Variants in PSAT1 observed in about 807,000 individuals in gnomAD.
PSAT1 encodes phosphoserine aminotransferase.
In PSAT1, 41 loss-of-function variants were observed where a neutral mutation model predicts 40.3. That is an observed-to-expected ratio of 1.02 (90% CI 0.79 to 1.32). The LOEUF (loss-of-function observed/expected upper bound fraction) is 1.32. PSAT1 is among the 40% of genes most tolerant of loss of function. The pLI, the probability that PSAT1 is intolerant of heterozygous loss-of-function variation, is 0.00. For synonymous variants in PSAT1, 147 were observed against 170.5 expected, an observed-to-expected ratio of 0.86 and a Z score of 1.07; for missense variants, 406 against 455.8, an observed-to-expected ratio of 0.89 and a Z score of 0.99.
intron 7 of PSAT1, among the ~76,000 whole-genome samples, chr9:78,326,955 AT>A (rs1554688170): frequency 0.011 from 859 of 75,922 alleles, 25 homozygotes; most frequent in African/African-American, 0.063. Flanking sequence ...ATATATATAT[AT>A]TTTTTTTTTT....
In PSAT1 at chr9:78,299,371, C is replaced by T. The variant is rs575138843; in HGVS notation, c.61-1231C>T. ...CAGGAGCAAGTTCAAAGATTATTCACAGATGAATGTTTCTCTTTACTAAAA... is the reference window on the plus strand; with the variant it reads ...CAGGAGCAAGTTCAAAGATTATTCATAGATGAATGTTTCTCTTTACTAAAA... On this transcript the variant is annotated intron_variant, in intron 1 of 8. Transcript: ENST00000376588. Among the ~76,000 whole-genome samples the T allele has an allele frequency of 5.3e-5, 8 of 152,118 alleles. No homozygotes were observed. The South Asian group carries it at 1.7e-3, about 32-fold the overall frequency.
chr9:78,314,505 G>T (rs950029613), intron 6 of PSAT1, among the ~76,000 whole-genome samples: 3 of 147,064 alleles, frequency 2.0e-5, no homozygotes, highest in Admixed American at 6.7e-5. Context: ...TCAGTGCTCT[G>T]CAGAGGGCTG....
intron 6 of PSAT1, among the ~76,000 whole-genome samples, chr9:78,309,264 T>G (rs548867975): frequency 1.3e-5 from 2 of 152,352 alleles, no homozygotes; most frequent in Admixed American, 6.5e-5. Context: ...AGAAGAACTT[T>G]CAAAAGCTGG....
intron 6 of PSAT1, among the ~76,000 whole-genome samples, chr9:78,310,962 G>A (rs1042287829): frequency 2.0e-5 from 3 of 152,176 alleles, no homozygotes; most frequent in African/African-American, 2.4e-5. Context: ...TTGGTCACAC[G>A]ATGCAGAGCA....
chr9:78,327,917 A>AT, intron 7 of PSAT1, 134 bp from the exon 8 acceptor site: 3 of 936,078 alleles, frequency 3.2e-6, no homozygotes, highest in South Asian at 1.5e-5. Flanking sequence ...GCTGGGGCAG[A>AT]TTTTTTGTTT....
At chr9:78,326,955 A>ATATATATATATTTTTTTTTTT in intron 7 of PSAT1, among the ~76,000 whole-genome samples, 4 of 75,964 alleles carry the variant, frequency 5.3e-5, no homozygotes, top group African/African-American at 2.8e-4. Flanking sequence ...ATATATATAT[A>ATATATATATATTTTTTTTTTT]TTTTTTTTTT....
intron 2 of PSAT1, among the ~76,000 whole-genome samples, chr9:78,300,945 C>T (rs1459770646): frequency 6.6e-6 from 1 of 151,868 alleles, no homozygotes; most frequent in Non-Finnish European, 1.5e-5. Flanking sequence ...ACTTTGTTGC[C>T]CAGGCTGATC....
At chr9:78,323,186 C>T (rs1828453086) in intron 7 of PSAT1, among the ~76,000 whole-genome samples, 1 of 152,274 alleles carries the variant, frequency 6.6e-6, no homozygotes, top group East Asian at 1.9e-4. Context: ...AAGCGGGTCT[C>T]TTAGCAGACA....
At chr9:78,312,868 T>G (rs1446213257) in intron 6 of PSAT1, among the ~76,000 whole-genome samples, 1 of 152,086 alleles carries the variant, frequency 6.6e-6, no homozygotes, top group East Asian at 1.9e-4. Context: ...TTGGGAGCTT[T>G]CCTCTGGGAA....
chr9:78,328,023 T>C, intron 7 of PSAT1, 28 bp from the exon 8 acceptor site: 1 of 1,605,290 alleles, frequency 6.2e-7, no homozygotes. Context: ...TTCAGAAAAG[T>C]AGCTGGAATA....
rs1231009532 is a variant in PSAT1, at chr9:78,304,769, C to T, written c.226C>T (p.Gln76Ter). 4 of 1,614,022 alleles carry T rather than the reference C, an allele frequency of 2.5e-6. No homozygotes were observed. Among genetic ancestry groups the T allele is most frequent in the Non-Finnish European group, 3.4e-6 (4 of 1,180,006 alleles). Reference protein sequence around the residue: ...VPDNYKVIFLQGGGCGQFSAV... With the variant: ...VPDNYKVIFL Reference sequence around the variant, plus strand: ...AGACAACTATAAGGTGATTTTTCTGCAAGGAGGTGGGTGCGGCCAGTTCAG... The same window carrying T: ...AGACAACTATAAGGTGATTTTTCTGTAAGGAGGTGGGTGCGGCCAGTTCAG... The change falls in exon 4 of 9, where the codon CAA becomes TAA. Residue 76 changes from glutamine (Q) to a stop codon, truncating the protein, a stop_gained. Transcript: ENST00000376588. LOFTEE classifies it high-confidence loss of function.
intron 7 of PSAT1, among the ~76,000 whole-genome samples, chr9:78,319,630 C>T (rs1828397995): frequency 6.6e-6 from 1 of 152,198 alleles, no homozygotes; most frequent in Non-Finnish European, 1.5e-5. Flanking sequence ...ATTTCATAGC[C>T]AAGGGCTAAA....
chr9:78,302,113 G>A, intron 3 of PSAT1, 90 bp downstream of exon 3: 2 of 915,480 alleles, frequency 2.2e-6, no homozygotes, highest in Admixed American at 1.9e-5. Context: ...TCTATTGTTT[G>A]TTCAGAATAT....
At chr9:78,323,156 T>G (rs1828452691) in intron 7 of PSAT1, among the ~76,000 whole-genome samples, 1 of 152,188 alleles carries the variant, frequency 6.6e-6, no homozygotes, top group Admixed American at 6.5e-5. Flanking sequence ...TAATATGGAA[T>G]GACTGCATTG....
At chr9:78,305,255 C>T (rs958893025) in intron 4 of PSAT1, among the ~76,000 whole-genome samples, 1 of 152,208 alleles carries the variant, frequency 6.6e-6, no homozygotes, top group African/African-American at 2.4e-5. Context: ...GCTGGGATTA[C>T]AGGTGCTGGC....
In PSAT1 at chr9:78,320,699, C is replaced by T. The variant is rs528229123; in HGVS notation, c.869+2895C>T. ...TCCATCCATCCAACCGTCCATCCATCCATAAAATGGCTCCTGAGGACCTGC... is the reference window on the plus strand; with the variant it reads ...TCCATCCATCCAACCGTCCATCCATTCATAAAATGGCTCCTGAGGACCTGC... On this transcript the variant is annotated intron_variant, in intron 7 of 8. Coordinates refer to ENST00000376588, the MANE Select transcript of PSAT1 (RefSeq NM_058179.4). Among the ~76,000 whole-genome samples the T allele has an allele frequency of 2.1e-3, 265 of 127,942 alleles. 1 individual carries two copies. The highest frequency in any genetic ancestry group is 3.4e-3 in the Non-Finnish European group (202 of 59,184). The allele number at this position is 127,942 out of a possible 152,430, so 83.9% of individuals were successfully genotyped here. A position where few individuals can be genotyped will look rare whatever the true frequency, so the allele number is the denominator to read the frequency against.
chr9:78,316,839 G>A (rs955239106), intron 6 of PSAT1, among the ~76,000 whole-genome samples: 11 of 152,190 alleles, frequency 7.2e-5, no homozygotes, highest in African/African-American at 2.7e-4. Context: ...GGAAGGCACT[G>A]TGCTAAGGAT....
At chr9:78,308,698 G>A (rs1176722719) in intron 6 of PSAT1, 115 bp downstream of exon 6, 1 of 1,228,250 alleles carries the variant, frequency 8.1e-7, no homozygotes, top group Non-Finnish European at 1.1e-6. Flanking sequence ...GCTCACACCT[G>A]TAATCTTAGC....
chr9:78,309,312 C>T (rs901921323), intron 6 of PSAT1, among the ~76,000 whole-genome samples: 13 of 152,218 alleles, frequency 8.5e-5, no homozygotes, highest in East Asian at 1.9e-4. Flanking sequence ...GTCGGGCCTG[C>T]GGGAAGCTGG....
Sources: allele counts gnomAD v4.1 joint callset (sites outside exome capture counted in the v4.1 genomes callset), GRCh38; gene constraint gnomAD v4.1.1; transcripts MANE v1.5; gene names NCBI Gene and HGNC (gene_info 2026-07-23, HGNC 2026-07-21).